PKM: variants seen among roughly 807,000 people sequenced by gnomAD.
The protein encoded by PKM is pyruvate kinase PKM.
PKM carries 18 observed loss-of-function variants against 49.8 expected under a neutral mutation model. The observed-to-expected ratio is 0.36, with a 90% CI of 0.25 to 0.54. The LOEUF (loss-of-function observed/expected upper bound fraction) is 0.54. Among genes scored for constraint, PKM ranks in the 20% least tolerant of loss-of-function variants. The probability of loss-of-function intolerance (pLI) is 0.89; values close to 1 mark genes in which losing one functional copy is unlikely to be tolerated. For missense variants in PKM, 508 were observed against 713.8 expected (o/e 0.71, Z 3.28); for synonymous variants, 239 against 261.8 (o/e 0.91, Z 0.84).
intron 3 of PKM, among the ~76,000 whole-genome samples, chr15:72,216,353 G>A (rs2082376627): frequency 6.6e-6 from 1 of 152,190 alleles, no homozygotes; most frequent in South Asian, 2.1e-4. Flanking sequence ...CACAATCCCA[G>A]GCTGAGCATG....
Position 72,202,849 on chromosome 15 carries a change from C to T in PKM, c.1141-229G>A. 2.7e-6 allele frequency: 2 copies of T among 749,984 alleles called. No homozygotes were observed. The highest frequency in any genetic ancestry group is 1.7e-5 in the African/African-American group (1 of 58,104). The allele number at this position is 749,984 out of a possible 1,614,324, so 46.5% of individuals were successfully genotyped here. ...GTGCCTGTGACATCTACTGTGCCTA[C>T]TGAGCCACAGGACCCTTTGGTCCTG... On this transcript the variant is annotated intron_variant, in intron 8 of 10. Transcript: ENST00000335181. This position sits in a 1 kb window ranked among gnomAD's most constrained non-coding sequence, Gnocchi z 4.5.
At chr15:72,210,868 CA>C (rs1235438070) in intron 3 of PKM, among the ~76,000 whole-genome samples, 1 of 152,102 alleles carries the variant, frequency 6.6e-6, no homozygotes, top group Non-Finnish European at 1.5e-5. Flanking sequence ...ATAAACAGGG[CA>C]AAAAGCCTAG....
chr15:72,213,671 T>G (rs1356243907), intron 3 of PKM, among the ~76,000 whole-genome samples: 1 of 152,170 alleles, frequency 6.6e-6, no homozygotes, highest in Non-Finnish European at 1.5e-5. Flanking sequence ...CCTCAAGTGA[T>G]CCCTCCGCCT....
chr15:72,202,062 T>A lies in PKM; in HGVS notation c.1307+392A>T, dbSNP rs147665001. On this transcript the variant is annotated intron_variant, in intron 9 of 10. Coordinates refer to ENST00000335181, the MANE Select transcript of PKM (RefSeq NM_002654.6). This position sits in a 1 kb window ranked among gnomAD's most constrained non-coding sequence, Gnocchi z 4.5. ...CCAAATGGAGGCACAGTAAACAGCA[T>A]TTAAATAAATTCATTTCCCAACTGA... The A allele has an allele frequency of 2.5e-4, 73 of 288,028 alleles. No homozygotes were observed. The East Asian group carries it at 5.0e-3, about 20-fold the overall frequency. 17.8% of individuals were successfully genotyped at this position (288,028 alleles called of 1,614,324 possible).
chr15:72,207,597 AG>A (rs1311919370), intron 6 of PKM, among the ~76,000 whole-genome samples: 1 of 152,226 alleles, frequency 6.6e-6, no homozygotes, highest in Admixed American at 6.5e-5. Context: ...GGGTCTCTCT[AG>A]GGCCTCCATT....
At chr15:72,204,400 C>G (rs2082020800) in intron 8 of PKM, 1 of 152,160 alleles carries the variant, frequency 6.6e-6, no homozygotes, top group African/African-American at 2.4e-5. Context: ...TAGGAAACAC[C>G]AGGGTATGGA....
At chr15:72,227,775 CA>C (rs1394942000) in intron 1 of PKM, among the ~76,000 whole-genome samples, 1 of 43,464 alleles carries the variant, frequency 2.3e-5, no homozygotes, top group African/African-American at 6.8e-5. Context: ...AAAAAAAAAA[CA>C]AAAAACTGAA....
chr15:72,209,021 G>T, intron 5 of PKM, 130 bp from the exon 6 acceptor site: 2 of 962,268 alleles, frequency 2.1e-6, no homozygotes, highest in South Asian at 2.8e-5. Flanking sequence ...TTTTACCAGA[G>T]TTGAAAACCT....
intron 1 of PKM, among the ~76,000 whole-genome samples, chr15:72,225,626 T>C (rs1450762114): frequency 6.6e-6 from 1 of 152,226 alleles, no homozygotes; most frequent in Admixed American, 6.5e-5. Context: ...ACTGTATATA[T>C]CACTGAGTAA....
chr15:72,200,944 T>C lies in PKM; in HGVS notation c.1308-289A>G, dbSNP rs754031752. The C allele has an allele frequency of 7.3e-5, 28 of 382,080 alleles. No individual in the cohort carries two copies. Among genetic ancestry groups the C allele is most frequent in the Non-Finnish European group, 6.8e-5 (14 of 206,504 alleles). The allele number at this position is 382,080 out of a possible 1,614,324, so 23.7% of individuals were successfully genotyped here. On this transcript the variant is annotated intron_variant, in intron 9 of 10. Coordinates refer to ENST00000335181, the MANE Select transcript of PKM (RefSeq NM_002654.6). This position sits in a 1 kb window ranked among gnomAD's most constrained non-coding sequence, Gnocchi z 4.6. ...CCCACTTACCCCACACAGCCCATGG[T>C]TGGCAGAACCCCTCCTACACCCTGA...
intron 3 of PKM, among the ~76,000 whole-genome samples, chr15:72,216,964 T>C (rs1267445260): frequency 6.6e-6 from 1 of 152,170 alleles, no homozygotes; most frequent in Non-Finnish European, 1.5e-5. Flanking sequence ...CTTAGAATAG[T>C]GGAAACCGTT....
chr15:72,210,237 C>T, intron 4 of PKM, 110 bp downstream of exon 4: 1 of 1,101,352 alleles, frequency 9.1e-7, no homozygotes, highest in South Asian at 1.4e-5. Flanking sequence ...AACTCCTCTG[C>T]AGTCCTTCAT....
intron 3 of PKM, among the ~76,000 whole-genome samples, chr15:72,211,604 GC>G (rs1049450638): frequency 6.6e-6 from 1 of 152,008 alleles, no homozygotes; most frequent in Non-Finnish European, 1.5e-5. Flanking sequence ...GACAGTTTGG[GC>G]CAGGAGTTTG....
intron 3 of PKM, among the ~76,000 whole-genome samples, chr15:72,217,083 G>A (rs926301232): frequency 2.6e-5 from 4 of 152,194 alleles, no homozygotes; most frequent in Non-Finnish European, 5.9e-5. Flanking sequence ...AGAGTCAAGC[G>A]CTGTGGCCAG....
chr15:72,202,637 C>G lies in PKM; in HGVS notation c.1141-17G>C, dbSNP rs752569186. On this transcript the variant is annotated splice_polypyrimidine_tract_variant and intron_variant, in intron 8 of 10. Transcript: ENST00000335181. The surrounding 1 kb of genome is among the most constrained non-coding windows in gnomAD (Gnocchi z 4.5). ...ACGGGCAATCTAGGGGAGCAACATC[C>G]GTCCAGAGGGACGAGAGGGGGACAG... 26 of 1,608,984 alleles carry G rather than the reference C, an allele frequency of 1.6e-5. No individual in the cohort carries two copies. Among genetic ancestry groups the G allele is most frequent in the Non-Finnish European group, 2.2e-5 (26 of 1,177,158 alleles).
rs1056642356 is a variant in PKM at position 72,202,702 on chromosome 15, A to G, written c.1141-82T>C. On this transcript the variant is annotated intron_variant, in intron 8 of 10. Coordinates refer to ENST00000335181, the MANE Select transcript of PKM (RefSeq NM_002654.6). The surrounding 1 kb of genome is among the most constrained non-coding windows in gnomAD (Gnocchi z 4.5). Reference sequence around the variant, plus strand: ...TTTGTCACAAAAGGAGAGGGAGGGGAAGAGTCACCGGACAGCTGGTGAGGA... The same window carrying G: ...TTTGTCACAAAAGGAGAGGGAGGGGGAGAGTCACCGGACAGCTGGTGAGGA... 28 of 1,248,276 alleles carry G rather than the reference A, an allele frequency of 2.2e-5. No homozygotes were observed. The highest frequency in any genetic ancestry group is 3.2e-5 in the Non-Finnish European group (28 of 870,434). 77.3% of individuals were successfully genotyped at this position (1,248,276 alleles called of 1,614,324 possible).
chr15:72,213,559 T>C (rs1351117583), intron 3 of PKM, among the ~76,000 whole-genome samples: 2 of 152,188 alleles, frequency 1.3e-5, no homozygotes, highest in South Asian at 4.1e-4. Flanking sequence ...GGCTCCCGAG[T>C]AGCTGGGACT....
intron 1 of PKM, among the ~76,000 whole-genome samples, chr15:72,224,802 G>A (rs960389914): frequency 1.3e-5 from 2 of 151,460 alleles, no homozygotes; most frequent in East Asian, 1.9e-4. Flanking sequence ...TGCAGTGAAC[G>A]GAGATCGCAC....
intron 3 of PKM, among the ~76,000 whole-genome samples, chr15:72,212,837 C>T (rs1216438091): frequency 6.6e-6 from 1 of 152,066 alleles, no homozygotes; most frequent in Non-Finnish European, 1.5e-5. Context: ...TTTGGGAGGC[C>T]GAGGAGGGGG....
Sources: allele counts gnomAD v4.1 joint callset (sites outside exome capture counted in the v4.1 genomes callset), GRCh38; gene constraint gnomAD v4.1.1; non-coding constraint Gnocchi (gnomAD v3.1); transcripts MANE v1.5; gene names NCBI Gene and HGNC (gene_info 2026-07-23, HGNC 2026-07-21).